The following MARCHF1 variants were observed in gnomAD, a reference collection of about 807,000 sequenced individuals.
The protein encoded by MARCHF1 is membrane associated ring-CH-type finger 1.
In MARCHF1, 40 loss-of-function variants were observed where a neutral mutation model predicts 54.2. The ratio of observed to expected loss-of-function variants is 0.74; its 90% CI spans 0.57 to 0.96. The LOEUF (loss-of-function observed/expected upper bound fraction) is 0.96, where lower values mean the gene tolerates loss of function less well. MARCHF1 is among the 40% of genes least tolerant of loss of function. The pLI is 0.00. For synonymous variants in MARCHF1, 236 were observed against 236.3 expected, an observed-to-expected ratio of 1.00 and a Z score of 0.01; for missense variants, 586 against 656.5, an observed-to-expected ratio of 0.89 and a Z score of 1.17.
At position 164,241,271 on chromosome 4, in the gene MARCHF1, T is replaced by C. The variant is rs550390882; in HGVS notation, c.-322-129609A>G. ...GACCTTAGATTATTTTCAAAAACCCTAGCCTCAGAACTCTTGAGGAAGGGG... is the reference window on the plus strand; with the variant it reads ...GACCTTAGATTATTTTCAAAAACCCCAGCCTCAGAACTCTTGAGGAAGGGG... On this transcript the variant is annotated intron_variant, in intron 1 of 9. Transcript: ENST00000514618. 2.5e-4 allele frequency among the ~76,000 whole-genome samples: 38 copies of C among 152,188 alleles called. No homozygotes were observed. In the East Asian group the frequency reaches 7.2e-3, roughly 29 times the overall value.
chr4:164,293,366 A>G (rs1361927206), intron 1 of MARCHF1, among the ~76,000 whole-genome samples: 1 of 152,144 alleles, frequency 6.6e-6, no homozygotes, highest in Non-Finnish European at 1.5e-5. Flanking sequence ...TGCCTCACAA[A>G]CCCATTCCCA....
chr4:164,229,049 T>C (rs1246595020), intron 1 of MARCHF1, among the ~76,000 whole-genome samples: 3 of 152,112 alleles, frequency 2.0e-5, no homozygotes, highest in Non-Finnish European at 4.4e-5. Context: ...TCCATAGATA[T>C]GACTTTGTGC....
At chr4:164,016,719 AGAAT>A (rs1193831500) in intron 2 of MARCHF1, among the ~76,000 whole-genome samples, 1 of 152,176 alleles carries the variant, frequency 6.6e-6, no homozygotes, top group African/African-American at 2.4e-5. Context: ...ACAGTTAGAT[AGAAT>A]GAATAAGATC....
intron 7 of MARCHF1, among the ~76,000 whole-genome samples, chr4:163,590,692 T>C (rs2110844777): frequency 6.6e-6 from 1 of 152,258 alleles, no homozygotes; most frequent in East Asian, 1.9e-4. Context: ...AGTGGCATCG[T>C]ACAGAGTTTA....
At chr4:163,998,480 A>C (rs1247478043) in intron 2 of MARCHF1, among the ~76,000 whole-genome samples, 1 of 151,670 alleles carries the variant, frequency 6.6e-6, no homozygotes, top group Non-Finnish European at 1.5e-5. Context: ...TAGCATATTC[A>C]TTACCTCATA....
chr4:164,148,336 T>C (rs1442145991), intron 1 of MARCHF1, among the ~76,000 whole-genome samples: 1 of 152,150 alleles, frequency 6.6e-6, no homozygotes, highest in African/African-American at 2.4e-5. Context: ...TGACAGCAGA[T>C]AATTCAGACT....
chr4:163,971,191 T>C (rs938481140), intron 3 of MARCHF1, among the ~76,000 whole-genome samples: 2 of 152,108 alleles, frequency 1.3e-5, no homozygotes, highest in African/African-American at 4.8e-5. Flanking sequence ...TAGTGATCCA[T>C]ATTAATGAAG....
intron 2 of MARCHF1, among the ~76,000 whole-genome samples, chr4:164,069,443 G>A (rs758212845): frequency 2.0e-5 from 3 of 152,292 alleles, no homozygotes; most frequent in African/African-American, 7.2e-5. Flanking sequence ...TTTATGAGAT[G>A]TAACACTCAC....
intron 1 of MARCHF1, among the ~76,000 whole-genome samples, chr4:164,195,832 G>A (rs950875543): frequency 3.3e-5 from 5 of 152,022 alleles, no homozygotes; most frequent in African/African-American, 1.2e-4. Flanking sequence ...AGTCTTTACT[G>A]AAATTCTATA....
intron 2 of MARCHF1, among the ~76,000 whole-genome samples, chr4:164,102,565 G>A (rs1755589906): frequency 6.6e-6 from 1 of 150,726 alleles, no homozygotes; most frequent in African/African-American, 2.4e-5. Flanking sequence ...AGCAAATGCT[G>A]AGAGATTTTG....
intron 9 of MARCHF1, among the ~76,000 whole-genome samples, chr4:163,540,010 T>C (rs1184184211): frequency 6.6e-6 from 1 of 152,194 alleles, no homozygotes; most frequent in Admixed American, 6.5e-5. Flanking sequence ...ATCTCACTTT[T>C]GTATTTTCTC....
intron 3 of MARCHF1, among the ~76,000 whole-genome samples, chr4:163,921,840 G>A (rs965950876): frequency 7.2e-5 from 11 of 152,108 alleles, no homozygotes; most frequent in African/African-American, 2.4e-4. Flanking sequence ...ATTGGCAAAG[G>A]TATTTTGTAC....
intron 1 of MARCHF1, among the ~76,000 whole-genome samples, chr4:164,147,304 C>T (rs1337455317): frequency 6.8e-6 from 1 of 148,080 alleles, no homozygotes; most frequent in Non-Finnish European, 1.5e-5. Context: ...ACCATTTGAC[C>T]CAGCCATCCC....
intron 3 of MARCHF1, among the ~76,000 whole-genome samples, chr4:163,940,154 C>T (rs12501136): frequency 6.6e-6 from 1 of 151,944 alleles, no homozygotes; most frequent in African/African-American, 2.4e-5. Context: ...TTACTAGACA[C>T]CAAATCAACT....
intron 1 of MARCHF1, among the ~76,000 whole-genome samples, chr4:164,382,852 CCA>C: frequency 6.6e-6 from 1 of 152,222 alleles, no homozygotes; most frequent in African/African-American, 2.4e-5. Context: ...TTCGTCAAAC[CCA>C]CAGAGCTCTA....
At chr4:163,552,162 T>G (rs1424951844) in intron 8 of MARCHF1, among the ~76,000 whole-genome samples, 2 of 152,198 alleles carry the variant, frequency 1.3e-5, no homozygotes, top group Non-Finnish European at 2.9e-5. Context: ...GAGGGGACAC[T>G]ATTTTCTGAT....
At chr4:164,172,748 C>T (rs1426600951) in intron 1 of MARCHF1, among the ~76,000 whole-genome samples, 1 of 152,134 alleles carries the variant, frequency 6.6e-6, no homozygotes, top group African/African-American at 2.4e-5. Flanking sequence ...GAGGCTGAGG[C>T]GGGCAAACCA....
chr4:163,688,263 A>G (rs1341116173), intron 5 of MARCHF1, among the ~76,000 whole-genome samples: 1 of 152,242 alleles, frequency 6.6e-6, no homozygotes, highest in Non-Finnish European at 1.5e-5. Context: ...ACTTAATAAT[A>G]TAAGAAATAA....
At position 164,197,689 on chromosome 4, in the gene MARCHF1, T is replaced by A. The variant is rs780562164; in HGVS notation, c.-322-86027A>T. 3.1e-6 allele frequency: 5 copies of A among 1,612,422 alleles called. No homozygotes were observed. The East Asian group carries it at 8.9e-5, about 29-fold the overall frequency. ...GGGCGCCCTGTTCCGCAGCTCTGAATGAATCCGTCTGCCCATCTCCATCTC... is the reference window on the plus strand; with the variant it reads ...GGGCGCCCTGTTCCGCAGCTCTGAAAGAATCCGTCTGCCCATCTCCATCTC... On this transcript the variant is annotated intron_variant, in intron 1 of 9. Transcript: ENST00000514618.
Sources: allele counts gnomAD v4.1 joint callset (sites outside exome capture counted in the v4.1 genomes callset), GRCh38; gene constraint gnomAD v4.1.1; transcripts MANE v1.5; gene names NCBI Gene and HGNC (gene_info 2026-07-23, HGNC 2026-07-21).